PLA2G5: variants seen among roughly 807,000 people sequenced by gnomAD.
PLA2G5 encodes phospholipase A2 group V.
Under a neutral mutation model 15.9 loss-of-function variants are expected in PLA2G5, and 12 were observed. The ratio of observed to expected loss-of-function variants is 0.76; its 90% CI spans 0.48 to 1.23. PLA2G5 has a LOEUF of 1.23. Among genes scored for constraint, PLA2G5 ranks in the 50% most tolerant of loss-of-function variants. The pLI, the probability that PLA2G5 is intolerant of heterozygous loss-of-function variation, is 0.00. For synonymous variants in PLA2G5, 71 were observed against 71.4 expected (o/e 0.99, Z 0.03); for missense variants, 169 against 177.1 (o/e 0.95, Z 0.26).
In PLA2G5 at chr1:20,042,990, G is replaced by A. The variant is rs572437149; in HGVS notation, n.276+14281G>A. Among the ~76,000 whole-genome samples the A allele has an allele frequency of 2.6e-4, 40 of 152,240 alleles. 1 individual carries two copies. Among genetic ancestry groups the A allele is most frequent in the African/African-American group, 5.3e-4 (22 of 41,546 alleles). ...TCAATAAGGTGAGAAGCAGACGGAC[G>A]GAAAGAAAGTAAATCATGAGAAAGG... On this transcript the variant is annotated intron_variant and non_coding_transcript_variant, in intron 1 of 6. Coordinates refer to the PLA2G5 transcript ENST00000460175.
At chr1:20,081,315 C>T (rs1447668152) in intron 1 of PLA2G5, among the ~76,000 whole-genome samples, 1 of 151,928 alleles carries the variant, frequency 6.6e-6, no homozygotes, top group Non-Finnish European at 1.5e-5. Context: ...CCTCTGCCAC[C>T]TCCACCATGA....
chr1:20,087,306 G>C (rs1432009972), intron 3 of PLA2G5, among the ~76,000 whole-genome samples: 2 of 152,140 alleles, frequency 1.3e-5, no homozygotes, highest in African/African-American at 4.8e-5. Flanking sequence ...CCTCGGACTG[G>C]TTCCAGGACC....
chr1:20,063,009 C>T (rs1452186308), intron 2 of PLA2G5, among the ~76,000 whole-genome samples: 1 of 152,082 alleles, frequency 6.6e-6, no homozygotes, highest in African/African-American at 2.4e-5. Flanking sequence ...GAAGCACCTA[C>T]TCATAGTCCC....
At chr1:20,088,655 A>G (rs561570399) in intron 3 of PLA2G5, among the ~76,000 whole-genome samples, 3 of 152,298 alleles carry the variant, frequency 2.0e-5, no homozygotes, top group South Asian at 2.1e-4. Flanking sequence ...AAAACCTTTT[A>G]TATGCAATCT....
chr1:20,052,354 G>A (rs1269330887), intron 1 of PLA2G5, among the ~76,000 whole-genome samples: 1 of 152,030 alleles, frequency 6.6e-6, no homozygotes, highest in Non-Finnish European at 1.5e-5. Context: ...TGGAGTCACT[G>A]AAAACTAAGC....
chr1:20,029,571 G>T (rs141175614), intron 1 of PLA2G5, among the ~76,000 whole-genome samples: 65 of 152,238 alleles, frequency 4.3e-4, no homozygotes, highest in African/African-American at 1.5e-3. Context: ...CAACATTTGG[G>T]CAGCAAATGC....
chr1:20,081,189 C>A (rs142795433), intron 1 of PLA2G5, among the ~76,000 whole-genome samples: 2 of 151,704 alleles, frequency 1.3e-5, no homozygotes, highest in Non-Finnish European at 2.9e-5. Context: ...CGCGGCTATG[C>A]GCTTCCTCTC....
In PLA2G5 at chr1:20,088,227, C is replaced by T. The variant is rs576325581; in HGVS notation, c.186-1562C>T. 3.7e-4 allele frequency among the ~76,000 whole-genome samples: 57 copies of T among 152,282 alleles called. 1 individual carries two copies. The highest frequency in any genetic ancestry group is 1.3e-3 in the African/African-American group (52 of 41,554). On this transcript the variant is annotated intron_variant, in intron 3 of 4. Transcript: ENST00000375108. ...ACAAAATTATCTGGGCATGGTGGCACATGCCTGTAATCCCAGCTACTCAGG... is the reference window on the plus strand; with the variant it reads ...ACAAAATTATCTGGGCATGGTGGCATATGCCTGTAATCCCAGCTACTCAGG...
At chr1:20,048,623 G>A (rs1473007323) in intron 1 of PLA2G5, among the ~76,000 whole-genome samples, 1 of 152,166 alleles carries the variant, frequency 6.6e-6, no homozygotes, top group African/African-American at 2.4e-5. Flanking sequence ...TATAAACTAA[G>A]TTCCTCCAAA....
In PLA2G5 at chr1:20,090,011, T is replaced by C. The variant is rs777407424; in HGVS notation, c.292+116T>C. 349 of 703,988 alleles carry C rather than the reference T, an allele frequency of 5.0e-4. 1 individual carries two copies. The highest frequency in any genetic ancestry group is 4.2e-4 in the Non-Finnish European group (171 of 411,084). 43.6% of individuals were successfully genotyped at this position (703,988 alleles called of 1,614,324 possible). On this transcript the variant is annotated intron_variant, in intron 4 of 4. Transcript: ENST00000375108. The stretch of plus-strand genomic sequence containing the variant: ...GGGGAGGAGGAGTTGGGTGCAGAAC[T>C]GGGACGAGAGGAGCAGGATTATTGC...
chr1:20,082,392 T>A (rs1474328125), intron 1 of PLA2G5, among the ~76,000 whole-genome samples: 1 of 151,716 alleles, frequency 6.6e-6, no homozygotes, highest in Non-Finnish European at 1.5e-5. Flanking sequence ...GAGGCGTTCT[T>A]CCCTTACCAG....
intron 4 of PLA2G5, 114 bp downstream of exon 4, chr1:20,090,009 A>G (rs3738124): frequency 1.4e-6 from 1 of 714,102 alleles, no homozygotes; most frequent in Non-Finnish European, 2.4e-6. Flanking sequence ...TGGGTGCAGA[A>G]CTGGGACGAG....
chr1:20,089,239 T>C (rs1475621964), intron 3 of PLA2G5, among the ~76,000 whole-genome samples: 1 of 152,116 alleles, frequency 6.6e-6, no homozygotes, highest in Non-Finnish European at 1.5e-5. Flanking sequence ...CACAAGAAAA[T>C]AGGCCTGCTT....
intron 1 of PLA2G5, among the ~76,000 whole-genome samples, chr1:20,082,309 C>T (rs957845060): frequency 2.0e-5 from 3 of 151,832 alleles, no homozygotes; most frequent in South Asian, 2.1e-4. Context: ...GCTGTCCGCA[C>T]GCTCAGTGAC....
chr1:20,080,622 G>A (rs2015956085), intron 1 of PLA2G5, among the ~76,000 whole-genome samples: 1 of 149,294 alleles, frequency 6.7e-6, no homozygotes, highest in South Asian at 2.1e-4. Flanking sequence ...AATACACAAT[G>A]GAAAAAAATC....
intron 1 of PLA2G5, among the ~76,000 whole-genome samples, chr1:20,052,128 C>T (rs1010384993): frequency 4.1e-5 from 6 of 144,656 alleles, no homozygotes; most frequent in Admixed American, 7.2e-5. Context: ...CTGCCGAGAT[C>T]GCGCCACTGC....
chr1:20,089,452 A>G (rs2016455587), intron 3 of PLA2G5, among the ~76,000 whole-genome samples: 2 of 152,132 alleles, frequency 1.3e-5, no homozygotes, highest in South Asian at 4.1e-4. Context: ...AGTGGAGTAA[A>G]CTGTGGGAAG....
chr1:20,085,942 C>T, intron 2 of PLA2G5, 141 bp from the exon 3 acceptor site: 1 of 747,818 alleles, frequency 1.3e-6, no homozygotes. Context: ...ACCTCCCTTC[C>T]CACTAATGGA....
chr1:20,086,097 C>G lies in PLA2G5; in HGVS notation c.55C>G (p.Gln19Glu). The G allele has an allele frequency of 1.2e-6, 2 of 1,614,056 alleles. No individual in the cohort carries two copies. Among genetic ancestry groups the G allele is most frequent in the Non-Finnish European group, 1.7e-6 (2 of 1,179,984 alleles). The change falls in exon 3 of 5, where the codon CAA becomes GAA. Residue 19 changes from glutamine (Q) to glutamate (E), a missense_variant. Physicochemically the swap from Gln to Glu is conservative, Grantham distance 29 (BLOSUM62 2). Transcript: ENST00000375108. ...CTATCTTCCAGGTGTGCCTGCTGTGCAAGGAGGCTTGCTGGACCTAAAATC... is the reference window on the plus strand; with the variant it reads ...CTATCTTCCAGGTGTGCCTGCTGTGGAAGGAGGCTTGCTGGACCTAAAATC... ...WFLACSVPAVQGGLLDLKSMI... is the reference protein window; with the variant it reads ...WFLACSVPAVEGGLLDLKSMI...
Sources: gnomAD v4.1 joint callset for allele counts (sites outside exome capture counted in the v4.1 genomes callset) on GRCh38, gnomAD v4.1.1 for gene constraint, MANE v1.5 for transcripts, NCBI Gene and HGNC (gene_info 2026-07-23, HGNC 2026-07-21) for gene names.